Variants in NBEA observed in about 807,000 individuals in gnomAD.
The protein encoded by NBEA is lysosomal-trafficking regulator 2.
Under a neutral mutation model 343.4 loss-of-function variants are expected in NBEA, and 44 were observed. The observed-to-expected ratio is 0.13, with a 90% CI of 0.10 to 0.16. NBEA has a LOEUF of 0.16. NBEA is among the 10% of genes least tolerant of loss of function. The pLI is 1.00. For synonymous variants in NBEA, 1,175 were observed against 1,238.7 expected (o/e 0.95, Z 1.08); for missense variants, 2,555 against 3,631.3 (o/e 0.70, Z 7.62).
chr13:35,282,589 C>T (rs1384436776), intron 34 of NBEA, among the ~76,000 whole-genome samples: 1 of 152,018 alleles, frequency 6.6e-6, no homozygotes, highest in Non-Finnish European at 1.5e-5. Flanking sequence ...TTTATGATAG[C>T]GAAAATGTCT....
At chr13:35,060,569 T>C (rs2063430271) in intron 8 of NBEA, among the ~76,000 whole-genome samples, 1 of 151,760 alleles carries the variant, frequency 6.6e-6, no homozygotes, top group Non-Finnish European at 1.5e-5. Context: ...TATTAAGTTT[T>C]GAAAGTTCTC....
At chr13:35,120,621 G>T (rs1019780499) in intron 16 of NBEA, among the ~76,000 whole-genome samples, 2 of 152,072 alleles carry the variant, frequency 1.3e-5, no homozygotes, top group African/African-American at 4.8e-5. Flanking sequence ...TATAACAGTT[G>T]AACAAAAAGA....
chr13:35,586,269 A>G (rs1431252829), intron 46 of NBEA, among the ~76,000 whole-genome samples: 1 of 152,238 alleles, frequency 6.6e-6, no homozygotes, highest in Non-Finnish European at 1.5e-5. Context: ...AACTTTCTAC[A>G]GAAATTTAGT....
At chr13:35,646,026 C>A (rs762647706) in intron 50 of NBEA, 95 bp downstream of exon 50, 1 of 846,734 alleles carries the variant, frequency 1.2e-6, no homozygotes, top group Non-Finnish European at 1.8e-6. Flanking sequence ...ACCCCAGCTT[C>A]TGGGAATAAG....
At chr13:35,124,770 A>T (rs1056816523) in intron 17 of NBEA, among the ~76,000 whole-genome samples, 4 of 150,106 alleles carry the variant, frequency 2.7e-5, no homozygotes, top group African/African-American at 1.0e-4. Flanking sequence ...ATATATATAC[A>T]CACATATATG....
intron 30 of NBEA, among the ~76,000 whole-genome samples, chr13:35,191,951 T>TATTTTTCTC (rs923073524): frequency 3.3e-5 from 5 of 151,558 alleles, no homozygotes; most frequent in African/African-American, 1.2e-4. Flanking sequence ...GTTGTCCTCA[T>TATTTTTCTC]ATTTTTCTCA....
At chr13:35,110,052 A>AATTTTTTTTTTTTTTTTTTTTT (rs1566299514) in intron 12 of NBEA, among the ~76,000 whole-genome samples, 2 of 89,238 alleles carry the variant, frequency 2.2e-5, no homozygotes, top group Non-Finnish European at 4.6e-5. Context: ...TTTTTTTTTT[A>AATTTTTTTTTTTTTTTTTTTTT]AATGTTTTTT....
chr13:35,080,598 C>T (rs1008880238), intron 10 of NBEA, among the ~76,000 whole-genome samples: 7 of 152,006 alleles, frequency 4.6e-5, no homozygotes, highest in Admixed American at 2.6e-4. Flanking sequence ...ACCTTTGGGG[C>T]GGTAAAGCTG....
At chr13:35,655,785 T>G (rs1435278441) in intron 55 of NBEA, 36 bp downstream of exon 55, 1 of 1,554,348 alleles carries the variant, frequency 6.4e-7, no homozygotes, top group Non-Finnish European at 8.8e-7. Context: ...TATCAAACTA[T>G]AGTTTATTTA....
chr13:35,325,358 T>C (rs1231678892), intron 36 of NBEA, among the ~76,000 whole-genome samples: 1 of 152,010 alleles, frequency 6.6e-6, no homozygotes, highest in Non-Finnish European at 1.5e-5. Flanking sequence ...ACAAGATATA[T>C]AAGATGTTTT....
At chr13:35,434,029 A>C (rs1171577991) in intron 39 of NBEA, among the ~76,000 whole-genome samples, 1 of 152,108 alleles carries the variant, frequency 6.6e-6, no homozygotes. Context: ...CAAAGCTTTA[A>C]TTGTACAGAA....
rs1305375975 is a variant in NBEA at position 35,391,146 on chromosome 13, G to T, written c.6179+38823G>T. The stretch of plus-strand genomic sequence containing the variant: ...AAAAATTTGCTGGGCTTGATGGCAC[G>T]CACCTGTGATCCCTGCTCCTGGGGA... On this transcript the variant is annotated intron_variant, in intron 38 of 58. Transcript: ENST00000379939. Among the ~76,000 whole-genome samples the T allele has an allele frequency of 2.6e-5, 4 of 151,934 alleles. No individual in the cohort carries two copies. In the East Asian group the frequency reaches 5.8e-4, roughly 22 times the overall value.
intron 44 of NBEA, among the ~76,000 whole-genome samples, chr13:35,556,941 A>G (rs2079599198): frequency 6.6e-6 from 1 of 152,098 alleles, no homozygotes; most frequent in Non-Finnish European, 1.5e-5. Context: ...GTTCTTGTGT[A>G]ACAGTTTTCC....
At chr13:35,275,564 G>A (rs913509938) in intron 34 of NBEA, among the ~76,000 whole-genome samples, 7 of 152,224 alleles carry the variant, frequency 4.6e-5, no homozygotes, top group Non-Finnish European at 7.4e-5. Flanking sequence ...AGAGTGAACA[G>A]GCAACCTACA....
intron 38 of NBEA, among the ~76,000 whole-genome samples, chr13:35,405,024 C>T (rs996280209): frequency 1.3e-5 from 2 of 152,076 alleles, no homozygotes; most frequent in African/African-American, 4.8e-5. Context: ...GGAAAGGGCA[C>T]ACTCTGTGGA....
intron 38 of NBEA, among the ~76,000 whole-genome samples, chr13:35,355,650 T>C (rs1179903219): frequency 6.6e-6 from 1 of 152,110 alleles, no homozygotes; most frequent in Non-Finnish European, 1.5e-5. Context: ...TAGTCTTTGT[T>C]TGTTAACTCT....
intron 48 of NBEA, among the ~76,000 whole-genome samples, chr13:35,608,525 A>G (rs1294758520): frequency 1.3e-5 from 2 of 152,192 alleles, no homozygotes; most frequent in African/African-American, 2.4e-5. Flanking sequence ...TCTCAGTCAC[A>G]TCATTCCATT....
intron 13 of NBEA, among the ~76,000 whole-genome samples, chr13:35,114,472 A>G (rs2152665128): frequency 6.6e-6 from 1 of 152,202 alleles, no homozygotes; most frequent in South Asian, 2.1e-4. Context: ...ATACCCTCAG[A>G]TTTGACTCTG....
intron 36 of NBEA, among the ~76,000 whole-genome samples, chr13:35,320,575 G>T (rs144908484): frequency 0.031 from 4,749 of 152,156 alleles, 108 homozygotes; most frequent in Middle Eastern, 0.071. Context: ...TATGTGTCTT[G>T]GGGTTGCTCT....
Sources: gnomAD v4.1 joint callset for allele counts (sites outside exome capture counted in the v4.1 genomes callset) on GRCh38, gnomAD v4.1.1 for gene constraint, MANE v1.5 for transcripts, NCBI Gene and HGNC (gene_info 2026-07-23, HGNC 2026-07-21) for gene names.